PRDM10: variants seen among roughly 807,000 people sequenced by gnomAD.
PRDM10 encodes the protein PR/SET domain 10.
In PRDM10, 65 loss-of-function variants were observed where a neutral mutation model predicts 133.1. The ratio of observed to expected loss-of-function variants is 0.49; its 90% CI spans 0.40 to 0.60. The LOEUF is 0.60. Among genes scored for constraint, PRDM10 ranks in the 20% least tolerant of loss-of-function variants. The pLI, the probability that PRDM10 is intolerant of heterozygous loss-of-function variation, is 0.00. For missense variants in PRDM10, 1,137 were observed against 1,507.1 expected (o/e 0.75, Z 4.07); for synonymous variants, 582 against 580.4 (o/e 1.00, Z -0.04).
intron 1 of PRDM10, among the ~76,000 whole-genome samples, chr11:129,971,648 G>A (rs1054139222): frequency 7.6e-5 from 10 of 131,824 alleles, no homozygotes; most frequent in Admixed American, 7.5e-5. Context: ...ACAGAGTGTC[G>A]ATTGGGTGCA....
At chr11:129,938,050 C>T (rs1373431573) in intron 7 of PRDM10, among the ~76,000 whole-genome samples, 1 of 152,164 alleles carries the variant, frequency 6.6e-6, no homozygotes, top group Admixed American at 6.5e-5. Flanking sequence ...ACTGGGGTCA[C>T]CAATGACACC....
Position 129,960,989 on chromosome 11 carries a change from G to A in PRDM10, c.-25C>T, listed in dbSNP as rs1335818992. ...TCTTCTCCCAACTGGACAGCTCCACGTCTGGCACACCTAGAGCAGCACAGG... is the reference window on the plus strand; with the variant it reads ...TCTTCTCCCAACTGGACAGCTCCACATCTGGCACACCTAGAGCAGCACAGG... On this transcript the variant is annotated 5_prime_UTR_variant, in exon 2 of 21. In the 5' UTR this introduces an upstream ATG that the reference lacks. Coordinates refer to ENST00000360871, the MANE Select transcript of PRDM10 (RefSeq NM_199437.2). 2.2e-5 allele frequency: 35 copies of A among 1,612,002 alleles called. No homozygotes were observed. The highest frequency in any genetic ancestry group is 2.7e-5 in the African/African-American group (2 of 74,862).
intron 6 of PRDM10, among the ~76,000 whole-genome samples, chr11:129,943,014 C>G (rs1249512296): frequency 6.6e-6 from 1 of 152,176 alleles, no homozygotes; most frequent in Non-Finnish European, 1.5e-5. Flanking sequence ...CAGGGATAGG[C>G]ATTTCTCTTT....
At chr11:129,980,932 C>T (rs1178924684) in intron 1 of PRDM10, among the ~76,000 whole-genome samples, 1 of 136,926 alleles carries the variant, frequency 7.3e-6, no homozygotes, top group African/African-American at 2.8e-5. Flanking sequence ...AGTGCAGTGG[C>T]ACGACCTTGG....
At chr11:129,936,300 T>C (rs1308716021) in intron 8 of PRDM10, among the ~76,000 whole-genome samples, 2 of 151,672 alleles carry the variant, frequency 1.3e-5, no homozygotes, top group African/African-American at 4.8e-5. Context: ...ATATTAGCTA[T>C]ATAGATCTAT....
Position 130,001,195 on chromosome 11 carries a change from A to T in PRDM10, c.-119+1527T>A, listed in dbSNP as rs11825092. ...TTTGCCCCCAACCAATCCTAATTTT[A>T]AAAAAAAATCTTGTTTTCTCTATTC... On this transcript the variant is annotated intron_variant, in intron 1 of 20. Coordinates refer to ENST00000360871, the MANE Select transcript of PRDM10 (RefSeq NM_199437.2). 5.1e-3 allele frequency among the ~76,000 whole-genome samples: 676 copies of T among 131,480 alleles called. 3 individuals carry two copies. Among genetic ancestry groups the T allele is most frequent in the African/African-American group, 0.016 (570 of 35,386 alleles). 86.3% of individuals were successfully genotyped at this position (131,480 alleles called of 152,430 possible). A position where few individuals can be genotyped will look rare whatever the true frequency, so the allele number is the denominator to read the frequency against.
intron 20 of PRDM10, among the ~76,000 whole-genome samples, chr11:129,903,089 G>T (rs1461584640): frequency 6.6e-6 from 1 of 152,066 alleles, no homozygotes; most frequent in Non-Finnish European, 1.5e-5. Flanking sequence ...GAGGTCAGGA[G>T]TTCGAGACCA....
intron 17 of PRDM10, among the ~76,000 whole-genome samples, chr11:129,912,983 C>G (rs1262368501): frequency 6.6e-6 from 1 of 151,736 alleles, no homozygotes; most frequent in Non-Finnish European, 1.5e-5. Flanking sequence ...TCACTTGAAC[C>G]TGGGAGGCAG....
intron 15 of PRDM10, 62 bp downstream of exon 15, chr11:129,917,065 G>C: frequency 8.4e-7 from 1 of 1,192,866 alleles, no homozygotes; most frequent in Non-Finnish European, 1.2e-6. Context: ...TTATAAATAC[G>C]GACAAGTCAG....
intron 1 of PRDM10, among the ~76,000 whole-genome samples, chr11:129,995,298 A>G (rs1938988945): frequency 6.6e-6 from 1 of 152,178 alleles, no homozygotes; most frequent in Non-Finnish European, 1.5e-5. Flanking sequence ...CTGAGGATAC[A>G]GACCCTTTTC....
At chr11:129,964,213 C>T (rs926996643) in intron 1 of PRDM10, among the ~76,000 whole-genome samples, 1 of 152,122 alleles carries the variant, frequency 6.6e-6, no homozygotes, top group African/African-American at 2.4e-5. Flanking sequence ...CTGCGGGGAT[C>T]GGCAGGTACA....
At position 129,902,383 on chromosome 11, in the gene PRDM10, G is replaced by C. The variant is rs1292871249; in HGVS notation, c.3401C>G (p.Thr1134Ser). ...LDPQTNSQQQ[T>S]TQYIITTTTN... Reference sequence around the variant, plus strand: ...GGTGGTGGTGATGATGTACTGTGTGGTCTGCTGTTGGCTGTTGGTCTGGGG... The same window carrying C: ...GGTGGTGGTGATGATGTACTGTGTGCTCTGCTGTTGGCTGTTGGTCTGGGG... The change falls in exon 21 of 21, where the codon ACC (threonine) becomes AGC (serine). Residue 1134 changes from threonine (T) to serine (S), a missense_variant. By Grantham distance (58) the Thr-to-Ser change is moderately conservative. Transcript: ENST00000360871. 1.2e-6 allele frequency: 2 copies of C among 1,614,126 alleles called. No individual in the cohort carries two copies. The highest frequency in any genetic ancestry group is 1.7e-6 in the Non-Finnish European group (2 of 1,179,964).
intron 4 of PRDM10, among the ~76,000 whole-genome samples, chr11:129,950,949 C>T (rs1951565921): frequency 6.6e-6 from 1 of 152,226 alleles, no homozygotes; most frequent in East Asian, 1.9e-4. Context: ...TGCTGGACCT[C>T]TTTCCTAACA....
At chr11:129,915,460 C>G (rs543958925) in intron 16 of PRDM10, among the ~76,000 whole-genome samples, 200 bp downstream of exon 16, 2 of 152,354 alleles carry the variant, frequency 1.3e-5, no homozygotes, top group East Asian at 3.9e-4. Flanking sequence ...CTGTACGGCA[C>G]TAATTCTGGG....
At chr11:129,983,330 T>C (rs1215552060) in intron 1 of PRDM10, among the ~76,000 whole-genome samples, 1 of 149,856 alleles carries the variant, frequency 6.7e-6, no homozygotes, top group East Asian at 2.0e-4. Context: ...AGTCTCGCTC[T>C]GTCACCCAGG....
intron 1 of PRDM10, among the ~76,000 whole-genome samples, chr11:130,001,640 G>A (rs1205831427): frequency 6.6e-6 from 1 of 152,192 alleles, no homozygotes; most frequent in Non-Finnish European, 1.5e-5. Flanking sequence ...CTAAAGGCGC[G>A]CACACAAATT....
rs1053391344 is a variant in PRDM10 at position 129,960,975 on chromosome 11, C to A, written c.-11G>T. On this transcript the variant is annotated 5_prime_UTR_variant, in exon 2 of 21. Transcript: ENST00000360871. ...ATCTTTGGAATCCATCTTCTCCCAA[C>A]TGGACAGCTCCACGTCTGGCACACC... The A allele has an allele frequency of 3.7e-6, 6 of 1,613,908 alleles. No individual in the cohort carries two copies. Among genetic ancestry groups the A allele is most frequent in the Non-Finnish European group, 4.2e-6 (5 of 1,179,958 alleles).
chr11:129,932,366 G>T (rs1264179711), intron 9 of PRDM10, 135 bp from the exon 10 acceptor site: 6 of 1,142,130 alleles, frequency 5.3e-6, no homozygotes, highest in Non-Finnish European at 7.2e-6. Flanking sequence ...TTCTCCAATA[G>T]AAACAACTGT....
In PRDM10 at chr11:129,960,988, C is replaced by T. The variant is rs1468093130; in HGVS notation, c.-24G>A. 1.9e-6 allele frequency: 3 copies of T among 1,612,606 alleles called. No individual in the cohort carries two copies. Among genetic ancestry groups the T allele is most frequent in the African/African-American group, 1.3e-5 (1 of 74,890 alleles). On this transcript the variant is annotated 5_prime_UTR_variant, in exon 2 of 21. It adds an upstream start codon to the 5' untranslated region. Coordinates refer to ENST00000360871, the MANE Select transcript of PRDM10 (RefSeq NM_199437.2). Reference sequence around the variant, plus strand: ...ATCTTCTCCCAACTGGACAGCTCCACGTCTGGCACACCTAGAGCAGCACAG... The same window carrying T: ...ATCTTCTCCCAACTGGACAGCTCCATGTCTGGCACACCTAGAGCAGCACAG...
Sources: allele counts gnomAD v4.1 joint callset (sites outside exome capture counted in the v4.1 genomes callset), GRCh38; gene constraint gnomAD v4.1.1; transcripts MANE v1.5; gene names NCBI Gene and HGNC (gene_info 2026-07-23, HGNC 2026-07-21).